Variants in JHY observed in about 807,000 individuals in gnomAD.
JHY encodes jhy protein homolog.
In JHY, 69 loss-of-function variants were observed where a neutral mutation model predicts 78.0. The observed-to-expected ratio is 0.88, with a 90% CI of 0.73 to 1.08. JHY has a LOEUF of 1.08. Among genes scored for constraint, JHY ranks in the 50% least tolerant of loss-of-function variants. The pLI, the probability that JHY is intolerant of heterozygous loss-of-function variation, is 0.00. For missense variants in JHY, 944 were observed against 927.8 expected (o/e 1.02, Z -0.23); for synonymous variants, 368 against 342.6 (o/e 1.07, Z -0.82).
rs1862480894 is a variant in JHY, at chr11:122,885,787, A to T, written c.-63A>T. 2 of 1,312,560 alleles carry T rather than the reference A, an allele frequency of 1.5e-6. No homozygotes were observed. The highest frequency in any genetic ancestry group is 1.5e-5 in the African/African-American group (1 of 67,380). The allele number at this position is 1,312,560 out of a possible 1,614,324, so 81.3% of individuals were successfully genotyped here. A position where few individuals can be genotyped will look rare whatever the true frequency, so the allele number is the denominator to read the frequency against. On this transcript the variant is annotated 5_prime_UTR_variant, in exon 2 of 9. Coordinates refer to ENST00000227349, the MANE Select transcript of JHY (RefSeq NM_024806.4). ...TAACGCTTTTGTGAACCACAACTTTAAATATCAGCCAGCTGCTCCTATCAA... is the reference window on the plus strand; with the variant it reads ...TAACGCTTTTGTGAACCACAACTTTTAATATCAGCCAGCTGCTCCTATCAA...
chr11:122,921,945 C>T (rs1591383207), intron 3 of JHY, among the ~76,000 whole-genome samples: 2 of 151,956 alleles, frequency 1.3e-5, no homozygotes, highest in East Asian at 1.9e-4. Context: ...CATGCCACTG[C>T]GCTCCAGCCT....
rs1000952595 is a variant in JHY, at chr11:122,946,870, G to A, written c.1929+78G>A. The A allele has an allele frequency of 4.0e-6, 6 of 1,496,342 alleles. No individual in the cohort carries two copies. In the African/African-American group the frequency reaches 7.0e-5, roughly 17 times the overall value. The allele number at this position is 1,496,342 out of a possible 1,614,324, so 92.7% of individuals were successfully genotyped here. A position where few individuals can be genotyped will look rare whatever the true frequency, so the allele number is the denominator to read the frequency against. On this transcript the variant is annotated intron_variant, in intron 6 of 8. Transcript: ENST00000227349. The stretch of plus-strand genomic sequence containing the variant: ...TGGACCTTGATGTAATTATAGCCCT[G>A]GAATAGGGATGGTCATTACTGAGTT...
intron 4 of JHY, among the ~76,000 whole-genome samples, chr11:122,925,655 G>T (rs1470905931): frequency 6.6e-6 from 1 of 151,934 alleles, no homozygotes; most frequent in Non-Finnish European, 1.5e-5. Flanking sequence ...ACCAAGATGG[G>T]TGGATCACCT....
At chr11:122,932,344 G>A (rs1030114133) in intron 4 of JHY, among the ~76,000 whole-genome samples, 3 of 152,184 alleles carry the variant, frequency 2.0e-5, no homozygotes, top group Admixed American at 2.0e-4. Context: ...GACAATTGAA[G>A]TTTCATAAAA....
chr11:122,941,534 C>A (rs1177509417), intron 5 of JHY, among the ~76,000 whole-genome samples: 1 of 152,176 alleles, frequency 6.6e-6, no homozygotes, highest in East Asian at 1.9e-4. Flanking sequence ...CTCATGATTT[C>A]TTTGCCATTC....
At position 122,935,858 on chromosome 11, in the gene JHY, G is replaced by A. The variant is rs1399685958; in HGVS notation, c.1634+783G>A. 6.6e-6 allele frequency among the ~76,000 whole-genome samples: 1 copy of A among 152,098 alleles called. No individual in the cohort carries two copies. On this transcript the variant is annotated intron_variant, in intron 5 of 8. Coordinates refer to ENST00000227349, the MANE Select transcript of JHY (RefSeq NM_024806.4). This position sits in a 1 kb window ranked among gnomAD's most constrained non-coding sequence, Gnocchi z 4.5. The stretch of plus-strand genomic sequence containing the variant: ...TATCATGGAACCACTAAAAATTATG[G>A]TTATGAGGAAATGCTTCTATAGGAA...
At chr11:122,896,811 A>C (rs1862749056) in intron 2 of JHY, among the ~76,000 whole-genome samples, 1 of 152,180 alleles carries the variant, frequency 6.6e-6, no homozygotes, top group African/African-American at 2.4e-5. Context: ...TGGAACCCTT[A>C]CTGTGTGCCA....
intron 2 of JHY, among the ~76,000 whole-genome samples, chr11:122,896,944 C>T (rs1259600500): frequency 6.6e-6 from 1 of 152,178 alleles, no homozygotes; most frequent in Admixed American, 6.5e-5. Flanking sequence ...GCACCCTCTG[C>T]CTCCCAGGCT....
chr11:122,901,600 G>A (rs1398716725), intron 2 of JHY, among the ~76,000 whole-genome samples: 7 of 151,616 alleles, frequency 4.6e-5, no homozygotes, highest in Non-Finnish European at 7.4e-5. Context: ...TTGGCTGGGC[G>A]CGGTGGCTCA....
In JHY at chr11:122,959,697, A is replaced by G; in HGVS notation, c.*252A>G. On this transcript the variant is annotated 3_prime_UTR_variant, in exon 9 of 9. Transcript: ENST00000227349. Reference sequence around the variant, plus strand: ...AGAATTGGAGCTGAATAATAACTAGAGAATAAAGCTTTTGTTTTATATTGA... The same window carrying G: ...AGAATTGGAGCTGAATAATAACTAGGGAATAAAGCTTTTGTTTTATATTGA... 2.6e-6 allele frequency: 1 copy of G among 392,048 alleles called. No individual in the cohort carries two copies. Among genetic ancestry groups the G allele is most frequent in the East Asian group, 4.5e-5 (1 of 22,390 alleles). The allele number at this position is 392,048 out of a possible 1,614,324, so 24.3% of individuals were successfully genotyped here.
At chr11:122,959,164 T>C (rs1864253372) in intron 8 of JHY, 84 bp from the exon 9 acceptor site, 1 of 1,463,358 alleles carries the variant, frequency 6.8e-7, no homozygotes, top group Admixed American at 2.2e-5. Flanking sequence ...CCATTTATAT[T>C]ATAAATAAAC....
At chr11:122,923,170 G>T (rs992115454) in intron 3 of JHY, among the ~76,000 whole-genome samples, 2 of 152,188 alleles carry the variant, frequency 1.3e-5, no homozygotes, top group African/African-American at 4.8e-5. Flanking sequence ...GTCTGAAGAA[G>T]GAGTTAGTCT....
chr11:122,901,380 C>T (rs1160060483), intron 2 of JHY, among the ~76,000 whole-genome samples: 8 of 152,002 alleles, frequency 5.3e-5, no homozygotes, highest in Admixed American at 5.2e-4. Flanking sequence ...CACTTAGACT[C>T]CTCTAAATTT....
chr11:122,929,958 G>A (rs1863602175), intron 4 of JHY, among the ~76,000 whole-genome samples: 1 of 152,174 alleles, frequency 6.6e-6, no homozygotes, highest in Non-Finnish European at 1.5e-5. Context: ...AATTTCAGCG[G>A]GATGGGGAGA....
At position 122,891,703 on chromosome 11, in the gene JHY, C is replaced by T. The variant is rs370777247; in HGVS notation, c.344+5510C>T. Among the ~76,000 whole-genome samples the T allele has an allele frequency of 2.6e-5, 4 of 152,082 alleles. No individual in the cohort carries two copies. The East Asian group carries it at 5.8e-4, about 22-fold the overall frequency. On this transcript the variant is annotated intron_variant, in intron 2 of 8. Transcript: ENST00000227349. ...GCTTTATATATACAATCTCATTTAT[C>T]CTTACAGGAGCCTCTTGGATAGGCA...
rs1301107231 is a variant in JHY at position 122,907,193 on chromosome 11, A to G, written c.864+2749A>G. On this transcript the variant is annotated intron_variant, in intron 3 of 8. Transcript: ENST00000227349. ...AGAATAGAGATGAGTTTGACCTAAC[A>G]GTGACATAATGATATGTGTAACTTA... is the stretch of plus-strand genomic sequence containing the variant. Among the ~76,000 whole-genome samples the G allele has an allele frequency of 2.6e-5, 4 of 152,232 alleles. No individual in the cohort carries two copies. In the East Asian group the frequency reaches 7.7e-4, roughly 29 times the overall value.
chr11:122,885,749 A>AT lies in JHY; in HGVS notation c.-89-4dup, dbSNP rs1376444602. 4.2e-5 allele frequency: 36 copies of AT among 857,590 alleles called. No homozygotes were observed. Among genetic ancestry groups the AT allele is most frequent in the South Asian group, 8.9e-5 (5 of 55,948 alleles). 53.1% of individuals were successfully genotyped at this position (857,590 alleles called of 1,614,324 possible). On this transcript the variant is annotated splice_polypyrimidine_tract_variant and intron_variant, in intron 1 of 8. Transcript: ENST00000227349. ...AGTGGTCGCAGAGTAACATAAATAT[A>AT]TTTTTTTTCAGGTAACGCTTTTGTG...
intron 6 of JHY, among the ~76,000 whole-genome samples, chr11:122,949,540 T>C (rs1049196761): frequency 6.6e-6 from 1 of 152,134 alleles, no homozygotes; most frequent in South Asian, 2.1e-4. Flanking sequence ...AGAGGATGTC[T>C]TGGGGCTGAG....
At chr11:122,950,326 G>A (rs2061603) in intron 6 of JHY, among the ~76,000 whole-genome samples, 53,033 of 151,982 alleles carry the variant, frequency 0.35, 10,037 homozygotes, top group Non-Finnish European at 0.43. Flanking sequence ...ACACATTTTC[G>A]AGGTGAGGAC....
Sources: allele counts gnomAD v4.1 joint callset (sites outside exome capture counted in the v4.1 genomes callset), GRCh38; gene constraint gnomAD v4.1.1; non-coding constraint Gnocchi (gnomAD v3.1); transcripts MANE v1.5; gene names NCBI Gene and HGNC (gene_info 2026-07-23, HGNC 2026-07-21).